PHACTR4: variants seen among roughly 807,000 people sequenced by gnomAD.
The protein encoded by PHACTR4 is protein phosphatase 1, regulatory subunit 124.
Under a neutral mutation model 72.7 loss-of-function variants are expected in PHACTR4, and 51 were observed. The observed-to-expected ratio is 0.70, with a 90% CI of 0.56 to 0.89. PHACTR4 has a LOEUF of 0.89. Ranked by LOEUF, PHACTR4 falls within the 40% of genes least tolerant of loss-of-function variation. The pLI, the probability that PHACTR4 is intolerant of heterozygous loss-of-function variation, is 0.00. For missense variants in PHACTR4, 731 were observed against 861.8 expected (o/e 0.85, Z 1.90); for synonymous variants, 255 against 302.5 (o/e 0.84, Z 1.63).
chr1:28,480,941 G>T (rs1660241948), intron 9 of PHACTR4, among the ~76,000 whole-genome samples: 1 of 152,114 alleles, frequency 6.6e-6, no homozygotes, highest in Non-Finnish European at 1.5e-5. Context: ...ACCCACCTTG[G>T]CCTCCACAAG....
At chr1:28,460,133 C>T in intron 3 of PHACTR4, 79 bp from the exon 4 acceptor site, 12 of 867,034 alleles carry the variant, frequency 1.4e-5, no homozygotes, top group Middle Eastern at 2.2e-4. Flanking sequence ...ATTCTTTTAC[C>T]TGTAGAATTA....
intron 1 of PHACTR4, among the ~76,000 whole-genome samples, chr1:28,394,666 G>A (rs1653347118): frequency 1.3e-5 from 2 of 149,570 alleles, no homozygotes; most frequent in South Asian, 2.1e-4. Context: ...GCACGATCTC[G>A]GCTCACCACA....
chr1:28,440,307 GAAAA>G (rs1206889147), intron 2 of PHACTR4, among the ~76,000 whole-genome samples: 7 of 82,116 alleles, frequency 8.5e-5, no homozygotes, highest in South Asian at 4.0e-4. Context: ...GTCTCAAAAA[GAAAA>G]AAAAAAAAAA....
chr1:28,458,980 T>G (rs1330055022), intron 2 of PHACTR4, 105 bp from the exon 3 acceptor site: 1 of 1,034,702 alleles, frequency 9.7e-7, no homozygotes, highest in Non-Finnish European at 1.4e-6. Flanking sequence ...TTATCGTTGC[T>G]CCGATCCTTT....
chr1:28,487,198 C>G (rs71642235), intron 9 of PHACTR4, among the ~76,000 whole-genome samples: 11 of 151,774 alleles, frequency 7.2e-5, no homozygotes, highest in African/African-American at 2.7e-4. Flanking sequence ...AACGCCATCT[C>G]TACTAAAACT....
intron 7 of PHACTR4, among the ~76,000 whole-genome samples, chr1:28,475,253 A>T (rs914144120): frequency 5.3e-5 from 8 of 151,670 alleles, no homozygotes; most frequent in African/African-American, 1.9e-4. Flanking sequence ...GCCTGGCCAA[A>T]TTTTGATTTT....
intron 2 of PHACTR4, among the ~76,000 whole-genome samples, chr1:28,432,214 A>C (rs1409179666): frequency 3.3e-5 from 5 of 152,072 alleles, no homozygotes; most frequent in African/African-American, 1.2e-4. Context: ...GTATCAAAAA[A>C]AAAAGAATAT....
At chr1:28,387,844 C>T (rs1435492708) in intron 1 of PHACTR4, among the ~76,000 whole-genome samples, 1 of 152,132 alleles carries the variant, frequency 6.6e-6, no homozygotes, top group Non-Finnish European at 1.5e-5. Flanking sequence ...TCTCCTGCCT[C>T]AGCCTCCTGG....
intron 1 of PHACTR4, among the ~76,000 whole-genome samples, chr1:28,375,872 C>T (rs1651617734): frequency 1.3e-5 from 2 of 152,074 alleles, no homozygotes; most frequent in Admixed American, 6.6e-5. Flanking sequence ...GAGTTGGAGA[C>T]CAGCCTGACC....
intron 1 of PHACTR4, among the ~76,000 whole-genome samples, chr1:28,383,092 C>T (rs1336693423): frequency 6.6e-6 from 1 of 152,152 alleles, no homozygotes; most frequent in Non-Finnish European, 1.5e-5. Flanking sequence ...CGCGCCTGGC[C>T]TCGTGCACCA....
At chr1:28,491,177 T>C (rs991917350) in intron 11 of PHACTR4, among the ~76,000 whole-genome samples, 165 bp downstream of exon 11, 5 of 143,406 alleles carry the variant, frequency 3.5e-5, no homozygotes, top group African/African-American at 1.3e-4. Flanking sequence ...AAGACCAGCC[T>C]GGGGAAAACA....
At chr1:28,394,224 T>C (rs1443790446) in intron 1 of PHACTR4, among the ~76,000 whole-genome samples, 1 of 147,848 alleles carries the variant, frequency 6.8e-6, no homozygotes, top group Admixed American at 6.8e-5. Flanking sequence ...GTTAGTGTCT[T>C]AGTTTTTAAC....
At chr1:28,398,147 G>T (rs923226771) in intron 1 of PHACTR4, among the ~76,000 whole-genome samples, 3 of 152,136 alleles carry the variant, frequency 2.0e-5, no homozygotes, top group Admixed American at 6.6e-5. Context: ...GTGGGAAGAG[G>T]ATAATATATT....
chr1:28,441,364 C>T (rs1287184607), intron 2 of PHACTR4, among the ~76,000 whole-genome samples: 1 of 152,000 alleles, frequency 6.6e-6, no homozygotes, highest in Non-Finnish European at 1.5e-5. Flanking sequence ...CAGGTGTGAG[C>T]CACCAGTCCT....
chr1:28,421,354 A>G (rs1273449576), intron 2 of PHACTR4, among the ~76,000 whole-genome samples: 1 of 151,754 alleles, frequency 6.6e-6, no homozygotes, highest in Admixed American at 6.6e-5. Flanking sequence ...GATGGTGCTG[A>G]TGGCCTCTAA....
intron 2 of PHACTR4, among the ~76,000 whole-genome samples, chr1:28,452,342 C>T (rs2124447607): frequency 6.6e-6 from 1 of 152,154 alleles, no homozygotes; most frequent in African/African-American, 2.4e-5. Context: ...CCCATCTCTA[C>T]AAAAAATTAA....
chr1:28,432,701 T>C (rs1052684834), intron 2 of PHACTR4, among the ~76,000 whole-genome samples: 1 of 152,102 alleles, frequency 6.6e-6, no homozygotes, highest in Admixed American at 6.6e-5. Flanking sequence ...TAAATCTCAA[T>C]GGTAGCTTCA....
At position 28,499,462 on chromosome 1, in the gene PHACTR4, ATTTGTTTTGTTTTGT is replaced by A. The variant is rs56375922; in HGVS notation, c.*2932_*2946del. On this transcript the variant is annotated 3_prime_UTR_variant, in exon 14 of 14. Coordinates refer to ENST00000373839, the MANE Select transcript of PHACTR4 (RefSeq NM_001048183.3). ...CCTTGAAGTTTTTTGTTTGGTTTTG[ATTTGTTTTGTTTTGT>A]TTTGTTTTGTTTTGTTTTTGGAGAT... The A allele has an allele frequency of 4.7e-5, 7 of 149,130 alleles. No individual in the cohort carries two copies. Among genetic ancestry groups the A allele is most frequent in the East Asian group, 2.0e-4 (1 of 5,090 alleles). The allele number at this position is 149,130 out of a possible 1,614,324, so 9.2% of individuals were successfully genotyped here.
intron 1 of PHACTR4, among the ~76,000 whole-genome samples, chr1:28,376,854 G>T (rs1651716116): frequency 6.7e-6 from 1 of 148,176 alleles, no homozygotes; most frequent in African/African-American, 2.5e-5. Context: ...AGCCAGGATG[G>T]TCTCAATCTC....
Sources: gnomAD v4.1 joint callset for allele counts (sites outside exome capture counted in the v4.1 genomes callset) on GRCh38, gnomAD v4.1.1 for gene constraint, MANE v1.5 for transcripts, NCBI Gene and HGNC (gene_info 2026-07-23, HGNC 2026-07-21) for gene names.